Variants in ULK4 observed in about 807,000 individuals in gnomAD.
ULK4 encodes the protein unc-51 like kinase 4.
ULK4 carries 133 observed loss-of-function variants against 160.6 expected under a neutral mutation model. The observed-to-expected ratio is 0.83, with a 90% CI of 0.72 to 0.96. The LOEUF is 0.96. Among genes scored for constraint, ULK4 ranks in the 40% least tolerant of loss-of-function variants. ULK4 has a pLI of 0.00. For synonymous variants in ULK4, 534 were observed against 539.8 expected, an observed-to-expected ratio of 0.99 and a Z score of 0.15; for missense variants, 1,580 against 1,499.5, an observed-to-expected ratio of 1.05 and a Z score of -0.89.
At chr3:41,350,689 TG>T (rs1213516724) in intron 35 of ULK4, among the ~76,000 whole-genome samples, 1 of 151,582 alleles carries the variant, frequency 6.6e-6, no homozygotes, top group African/African-American at 2.4e-5. Flanking sequence ...TCTGACTCAC[TG>T]GGGTAGCCTC....
At chr3:41,259,579 T>C (rs978387884) in intron 35 of ULK4, among the ~76,000 whole-genome samples, 1 of 152,214 alleles carries the variant, frequency 6.6e-6, no homozygotes, top group Non-Finnish European at 1.5e-5. Context: ...AGAACTTCTA[T>C]TTTCTATCAC....
intron 31 of ULK4, among the ~76,000 whole-genome samples, chr3:41,602,677 C>T (rs946315321): frequency 3.9e-5 from 6 of 151,954 alleles, no homozygotes; most frequent in African/African-American, 1.4e-4. Context: ...TAAAAATGAG[C>T]CATAATCATA....
chr3:41,425,932 T>C (rs1357177592), intron 34 of ULK4, among the ~76,000 whole-genome samples: 1 of 152,056 alleles, frequency 6.6e-6, no homozygotes, highest in African/African-American at 2.4e-5. Flanking sequence ...CATAACAATA[T>C]CAACCTTAAA....
chr3:41,572,715 G>A (rs900420273), intron 31 of ULK4, among the ~76,000 whole-genome samples: 15 of 149,146 alleles, frequency 1.0e-4, no homozygotes, highest in African/African-American at 2.2e-4. Flanking sequence ...GCAATGGGCC[G>A]AGATCGCGCC....
rs749152985 is a variant in ULK4, at chr3:41,906,822, G to A, written c.1182+1023C>T. On this transcript the variant is annotated intron_variant, in intron 12 of 36. Coordinates refer to ENST00000301831, the MANE Select transcript of ULK4 (RefSeq NM_017886.4). ...ATCATGGTCAACATGGTGAAACCCCGTCTCTACTAAAAATACAAAAATTAG... is the reference window on the plus strand; with the variant it reads ...ATCATGGTCAACATGGTGAAACCCCATCTCTACTAAAAATACAAAAATTAG... 1.5e-4 allele frequency among the ~76,000 whole-genome samples: 23 copies of A among 152,120 alleles called. No individual in the cohort carries two copies. In the South Asian group the frequency reaches 3.1e-3, roughly 21 times the overall value.
intron 22 of ULK4, among the ~76,000 whole-genome samples, chr3:41,738,849 C>A (rs1036543209): frequency 6.6e-6 from 1 of 151,894 alleles, no homozygotes; most frequent in Non-Finnish European, 1.5e-5. Flanking sequence ...TTGAATGGAG[C>A]TGAAGTAAGT....
intron 35 of ULK4, among the ~76,000 whole-genome samples, chr3:41,392,585 G>T (rs1575505306): frequency 6.6e-6 from 1 of 152,176 alleles, no homozygotes; most frequent in East Asian, 1.9e-4. Context: ...TCTTGGGCTT[G>T]CCCTCTCTGA....
chr3:41,756,229 C>T (rs2038799807), intron 21 of ULK4, among the ~76,000 whole-genome samples: 1 of 152,154 alleles, frequency 6.6e-6, no homozygotes, highest in South Asian at 2.1e-4. Flanking sequence ...ATGACACCCC[C>T]ACTATGGCTG....
intron 30 of ULK4, among the ~76,000 whole-genome samples, chr3:41,646,594 A>T (rs541201297): frequency 1.3e-5 from 2 of 152,282 alleles, no homozygotes; most frequent in African/African-American, 4.8e-5. Flanking sequence ...CTTTGTGGGT[A>T]ACCCGACCTT....
intron 35 of ULK4, among the ~76,000 whole-genome samples, chr3:41,305,945 G>A (rs1305087768): frequency 4.1e-5 from 6 of 147,028 alleles, no homozygotes; most frequent in Admixed American, 2.0e-4. Flanking sequence ...ATCTCTGCCC[G>A]GCCGCCCCGT....
intron 19 of ULK4, among the ~76,000 whole-genome samples, chr3:41,803,474 G>A (rs1254166627): frequency 2.0e-5 from 3 of 151,948 alleles, no homozygotes; most frequent in Non-Finnish European, 4.4e-5. Context: ...AGTAGGCAAA[G>A]CTTTCTTTTT....
At chr3:41,934,260 C>T (rs142477744) in intron 4 of ULK4, among the ~76,000 whole-genome samples, 67 of 152,288 alleles carry the variant, frequency 4.4e-4, no homozygotes, top group African/African-American at 1.5e-3. Context: ...TGAGTAGCTG[C>T]AGACTTGAGG....
chr3:41,645,850 G>A (rs1183956683), intron 30 of ULK4, among the ~76,000 whole-genome samples: 1 of 152,112 alleles, frequency 6.6e-6, no homozygotes, highest in Non-Finnish European at 1.5e-5. Context: ...GGTCACTCAG[G>A]ACTTGCTTTA....
At chr3:41,500,032 T>C (rs963699907) in intron 32 of ULK4, among the ~76,000 whole-genome samples, 7 of 152,138 alleles carry the variant, frequency 4.6e-5, no homozygotes, top group African/African-American at 1.2e-4. Context: ...ATTTTCTCTT[T>C]TTCATTCTTA....
At chr3:41,485,672 T>G (rs2084500584) in intron 32 of ULK4, among the ~76,000 whole-genome samples, 1 of 152,116 alleles carries the variant, frequency 6.6e-6, no homozygotes, top group Admixed American at 6.6e-5. Context: ...AGAGCAGTAT[T>G]CGATATTCAA....
chr3:41,610,813 T>A (rs1280897827), intron 31 of ULK4, among the ~76,000 whole-genome samples: 2 of 152,250 alleles, frequency 1.3e-5, no homozygotes, highest in Non-Finnish European at 2.9e-5. Flanking sequence ...CAGCAATATT[T>A]TGGCACATAT....
chr3:41,302,693 C>T (rs185247608), intron 35 of ULK4, among the ~76,000 whole-genome samples: 1 of 152,214 alleles, frequency 6.6e-6, no homozygotes, highest in East Asian at 1.9e-4. Flanking sequence ...CAAAACACTG[C>T]TTATTTTAAG....
chr3:41,334,591 C>A (rs1451176364), intron 35 of ULK4, among the ~76,000 whole-genome samples: 2 of 152,166 alleles, frequency 1.3e-5, no homozygotes, highest in African/African-American at 4.8e-5. Flanking sequence ...TGTGCAGGTA[C>A]TCCTCTCTGC....
At chr3:41,293,741 C>T (rs2079616713) in intron 35 of ULK4, among the ~76,000 whole-genome samples, 2 of 152,180 alleles carry the variant, frequency 1.3e-5, no homozygotes, top group Admixed American at 6.5e-5. Context: ...TTAACAATTA[C>T]ACTTGAAACA....
Sources: gnomAD v4.1 joint callset for allele counts (sites outside exome capture counted in the v4.1 genomes callset) on GRCh38, gnomAD v4.1.1 for gene constraint, MANE v1.5 for transcripts, NCBI Gene and HGNC (gene_info 2026-07-23, HGNC 2026-07-21) for gene names.